TM4SF19: variants seen among roughly 807,000 people sequenced by gnomAD.
The protein encoded by TM4SF19 is transmembrane 4 L6 family member 19.
TM4SF19 carries 17 observed loss-of-function variants against 21.8 expected under a neutral mutation model. That is an observed-to-expected ratio of 0.78 (90% CI 0.53 to 1.17). The LOEUF (loss-of-function observed/expected upper bound fraction) is 1.17, where lower values mean the gene tolerates loss of function less well. Among genes scored for constraint, TM4SF19 ranks in the 50% most tolerant of loss-of-function variants. The probability of loss-of-function intolerance (pLI) is 0.00; values close to 1 mark genes in which losing one functional copy is unlikely to be tolerated. For synonymous variants in TM4SF19, 107 were observed against 106.7 expected (o/e 1.00, Z -0.02); for missense variants, 216 against 252.1 (o/e 0.86, Z 0.97).
intron 1 of TM4SF19, 44 bp from the exon 2 acceptor site, chr3:196,327,635 G>A (rs1235623817): frequency 1.4e-5 from 21 of 1,528,310 alleles, no homozygotes; most frequent in Non-Finnish European, 1.9e-5. Flanking sequence ...TGCTGTGGGG[G>A]GATGGGGAAG....
At chr3:196,329,569 A>G (rs1727430056) in intron 1 of TM4SF19, among the ~76,000 whole-genome samples, 1 of 121,346 alleles carries the variant, frequency 8.2e-6, no homozygotes, top group Admixed American at 9.7e-5. Context: ...TCGGAGGTTG[A>G]GGCAGGAAAA....
intron 1 of TM4SF19, among the ~76,000 whole-genome samples, chr3:196,328,129 G>A (rs370949107): frequency 1.3e-5 from 2 of 151,952 alleles, no homozygotes; most frequent in Admixed American, 6.6e-5. Context: ...GTGAAACCCC[G>A]TCTCTACTAA....
chr3:196,323,877 C>T lies in TM4SF19; in HGVS notation c.570G>A (p.Leu190=), dbSNP rs2108804079. 6.2e-7 allele frequency: 1 copy of T among 1,614,170 alleles called. No homozygotes were observed. Among genetic ancestry groups the T allele is most frequent in the East Asian group, 2.2e-5 (1 of 44,888 alleles). ...LLCISLLQLL[L]VVVHVINSLL... ...GGCTGTTGATGACATGAACGACCAC[C>T]AGGAGAAGCTGGAGCAGGCTGATGC... is the stretch of plus-strand genomic sequence containing the variant. Residue 190 remains leucine, a synonymous_variant, in exon 5 of 5, where the codon CTG becomes CTA. Transcript: ENST00000273695.
At chr3:196,337,037 C>T (rs1421201694) in intron 1 of TM4SF19, among the ~76,000 whole-genome samples, 5 of 147,286 alleles carry the variant, frequency 3.4e-5, no homozygotes, top group African/African-American at 7.5e-5. Context: ...ACACTGCTGA[C>T]GCAAAAAGCA....
intron 1 of TM4SF19, among the ~76,000 whole-genome samples, chr3:196,332,499 G>GAA (rs201519946): frequency 0.065 from 9,031 of 138,938 alleles, 337 homozygotes; most frequent in Middle Eastern, 0.12. Flanking sequence ...GGGAAGGGAA[G>GAA]AAAAAAAATA....
intron 1 of TM4SF19, among the ~76,000 whole-genome samples, chr3:196,332,848 A>ATTT (rs544134464): frequency 0.11 from 12,805 of 120,628 alleles, 927 homozygotes; most frequent in South Asian, 0.17. Context: ...TCAACTTACA[A>ATTT]TTTTTTTTTT....
At chr3:196,328,009 G>A (rs1727367859) in intron 1 of TM4SF19, among the ~76,000 whole-genome samples, 1 of 152,154 alleles carries the variant, frequency 6.6e-6, no homozygotes, top group Non-Finnish European at 1.5e-5. Flanking sequence ...AAAGAAAGAA[G>A]TAATATTGTC....
intron 1 of TM4SF19, among the ~76,000 whole-genome samples, chr3:196,336,249 C>A (rs1007180726): frequency 6.6e-6 from 1 of 152,070 alleles, no homozygotes; most frequent in African/African-American, 2.4e-5. Context: ...AGTGATTCTC[C>A]TGCCTCAGAC....
At position 196,334,271 on chromosome 3, in the gene TM4SF19, A is replaced by G. The variant is rs1483824459; in HGVS notation, c.-2+3993T>C. Among the ~76,000 whole-genome samples, 4 of 152,086 alleles carry G rather than the reference A, an allele frequency of 2.6e-5. No homozygotes were observed. The South Asian group carries it at 6.2e-4, about 24-fold the overall frequency. ...ACTACTATCCTATATTTCATCTTCA[A>G]CATATCCTTTTAAAAACAGTTTTAC... On this transcript the variant is annotated intron_variant, in intron 1 of 4. Coordinates refer to ENST00000273695, the MANE Select transcript of TM4SF19 (RefSeq NM_138461.4).
At chr3:196,335,912 G>A (rs1490081966) in intron 1 of TM4SF19, among the ~76,000 whole-genome samples, 4 of 152,052 alleles carry the variant, frequency 2.6e-5, no homozygotes, top group Non-Finnish European at 4.4e-5. Context: ...ATGTCTGACC[G>A]GGGCCCAAGG....
chr3:196,332,848 AT>A (rs544134464), intron 1 of TM4SF19, among the ~76,000 whole-genome samples: 1,343 of 120,824 alleles, frequency 0.011, 14 homozygotes, highest in South Asian at 0.072. Flanking sequence ...TCAACTTACA[AT>A]TTTTTTTTTT....
chr3:196,326,938 T>C lies in TM4SF19; in HGVS notation c.279+17A>G. On this transcript the variant is annotated intron_variant, in intron 3 of 4. Coordinates refer to ENST00000273695, the MANE Select transcript of TM4SF19 (RefSeq NM_138461.4). ...GGAGACATTCTGGGTGTTAGAAGAG[T>C]GGAATCTGGTGCTTACGCTTCGACA... 3.1e-6 allele frequency: 5 copies of C among 1,596,740 alleles called. No homozygotes were observed. The highest frequency in any genetic ancestry group is 3.4e-6 in the Non-Finnish European group (4 of 1,165,780).
chr3:196,327,726 A>G, intron 1 of TM4SF19, 135 bp from the exon 2 acceptor site: 1 of 673,834 alleles, frequency 1.5e-6, no homozygotes, highest in East Asian at 2.7e-5. Context: ...ATGAGAGCCA[A>G]GCAACCTGCT....
At chr3:196,327,775 G>A (rs928128249) in intron 1 of TM4SF19, among the ~76,000 whole-genome samples, 184 bp from the exon 2 acceptor site, 3 of 152,132 alleles carry the variant, frequency 2.0e-5, no homozygotes, top group African/African-American at 7.2e-5. Flanking sequence ...CCAGTGACTA[G>A]GATTTAATTG....
chr3:196,327,716 A>C, intron 1 of TM4SF19, 125 bp from the exon 2 acceptor site: 1 of 733,080 alleles, frequency 1.4e-6, no homozygotes, highest in Non-Finnish European at 2.3e-6. Context: ...GGTCAGACCA[A>C]TGAGAGCCAA....
Position 196,327,429 on chromosome 3 carries a change from A to G in TM4SF19, c.162T>C (p.His54=). ...TYLLRGLLGR[H]AMLGTGLWGG... ...CCCAGAGCCCAGTTCCCAGCATGGC[A>G]TGCCTGCCAAGGAGGCCCCTCAACA... Residue 54 remains histidine, a synonymous_variant, in exon 2 of 5, where the codon CAT becomes CAC. Transcript: ENST00000273695. The G allele has an allele frequency of 1.2e-6, 2 of 1,614,186 alleles. No homozygotes were observed. Among genetic ancestry groups the G allele is most frequent in the Non-Finnish European group, 8.5e-7 (1 of 1,180,036 alleles).
intron 1 of TM4SF19, among the ~76,000 whole-genome samples, chr3:196,336,444 A>G (rs1279496620): frequency 6.6e-6 from 1 of 151,886 alleles, no homozygotes; most frequent in African/African-American, 2.4e-5. Context: ...AGCCCAGAAA[A>G]CTCTTAAAGG....
At position 196,323,672 on chromosome 3, in the gene TM4SF19, G is replaced by A. The variant is rs765403471; in HGVS notation, c.*145C>T. 15 of 1,482,508 alleles carry A rather than the reference G, an allele frequency of 1.0e-5. No homozygotes were observed. In the African/African-American group the frequency reaches 1.1e-4, roughly 11 times the overall value. 91.8% of individuals were successfully genotyped at this position (1,482,508 alleles called of 1,614,324 possible). On this transcript the variant is annotated 3_prime_UTR_variant, in exon 5 of 5. Coordinates refer to ENST00000273695, the MANE Select transcript of TM4SF19 (RefSeq NM_138461.4). ...TTAAAATGCATTCTATCATTCCACCGACCTGCAGTGAATTTTGTTGTCATT... is the reference window on the plus strand; with the variant it reads ...TTAAAATGCATTCTATCATTCCACCAACCTGCAGTGAATTTTGTTGTCATT...
At position 196,327,500 on chromosome 3, in the gene TM4SF19, C is replaced by T. The variant is rs762679568; in HGVS notation, c.91G>A (p.Gly31Arg). Residue 31 changes from glycine to arginine, a missense_variant, in exon 2 of 5, where the codon GGG (glycine) becomes AGG (arginine). Coordinates refer to ENST00000273695, the MANE Select transcript of TM4SF19 (RefSeq NM_138461.4). ...SLGTAALFAA[G>R]ANVALLLPNW... ...GGAAGGAGGAGTGCCACGTTGGCCCCAGCAGCAAACAGGGCTGCAGTCCCA... is the reference window on the plus strand; with the variant it reads ...GGAAGGAGGAGTGCCACGTTGGCCCTAGCAGCAAACAGGGCTGCAGTCCCA... 6.2e-7 allele frequency: 1 copy of T among 1,614,122 alleles called. No homozygotes were observed. Among genetic ancestry groups the T allele is most frequent in the Admixed American group, 1.7e-5 (1 of 60,018 alleles).
Sources: gnomAD v4.1 joint callset for allele counts (sites outside exome capture counted in the v4.1 genomes callset) on GRCh38, gnomAD v4.1.1 for gene constraint, MANE v1.5 for transcripts, NCBI Gene and HGNC (gene_info 2026-07-23, HGNC 2026-07-21) for gene names.